CORIN: variants seen among roughly 807,000 people sequenced by gnomAD.
CORIN encodes corin, serine peptidase, also known as atrial natriuretic peptide-converting enzyme.
CORIN carries 117 observed loss-of-function variants against 125.3 expected under a neutral mutation model. The observed-to-expected ratio is 0.93, with a 90% confidence interval of 0.80 to 1.09. CORIN has a LOEUF of 1.09. Among genes scored for constraint, CORIN ranks in the 50% least tolerant of loss-of-function variants. The probability of loss-of-function intolerance (pLI) is 0.00; values close to 1 mark genes in which losing one functional copy is unlikely to be tolerated. For synonymous variants in CORIN, 450 were observed against 466.4 expected (o/e 0.96, Z 0.45); for missense variants, 1,253 against 1,306.7 (o/e 0.96, Z 0.63).
chr4:47,787,590 T>G (rs1402060721), intron 2 of CORIN, among the ~76,000 whole-genome samples: 1 of 151,412 alleles, frequency 6.6e-6, no homozygotes, highest in Non-Finnish European at 1.5e-5. Flanking sequence ...AAAATAAAAA[T>G]GTAATTATAT....
chr4:47,678,367 A>G (rs2109707056), intron 8 of CORIN, among the ~76,000 whole-genome samples: 1 of 152,348 alleles, frequency 6.6e-6, no homozygotes, highest in South Asian at 2.1e-4. Context: ...TGCATTGTAT[A>G]TATAATCTCA....
At chr4:47,721,197 C>T (rs899856899) in intron 5 of CORIN, among the ~76,000 whole-genome samples, 5 of 151,946 alleles carry the variant, frequency 3.3e-5, no homozygotes, top group African/African-American at 9.7e-5. Flanking sequence ...CACACAAGAG[C>T]GCTCTATCTC....
In CORIN at chr4:47,594,829, T is replaced by G. The variant is rs1006195408; in HGVS notation, c.*892A>C. 2 of 152,182 alleles carry G rather than the reference T, an allele frequency of 1.3e-5. No homozygotes were observed. Among genetic ancestry groups the G allele is most frequent in the Admixed American group, 6.5e-5 (1 of 15,268 alleles). 9.4% of individuals were successfully genotyped at this position (152,182 alleles called of 1,614,324 possible). ...TGCCCATAAATATAGATGTAGTTGT[T>G]GCAGTCTCAATCAGCCAACTCATAT... On this transcript the variant is annotated 3_prime_UTR_variant, in exon 22 of 22. Coordinates refer to ENST00000273857, the MANE Select transcript of CORIN (RefSeq NM_006587.4).
intron 5 of CORIN, among the ~76,000 whole-genome samples, chr4:47,737,333 G>A (rs985180107): frequency 1.3e-5 from 2 of 152,130 alleles, no homozygotes; most frequent in East Asian, 3.9e-4. Flanking sequence ...GGCCATATAT[G>A]TCTACCCTTC....
chr4:47,655,816 G>A (rs933676442), intron 12 of CORIN, among the ~76,000 whole-genome samples: 3 of 148,060 alleles, frequency 2.0e-5, no homozygotes, highest in Non-Finnish European at 3.0e-5. Context: ...AACAAGTAAT[G>A]CTATTTAAGT....
At chr4:47,631,819 T>A (rs1311742152) in intron 16 of CORIN, among the ~76,000 whole-genome samples, 1 of 152,146 alleles carries the variant, frequency 6.6e-6, no homozygotes, top group Non-Finnish European at 1.5e-5. Context: ...CCCTCTGCTC[T>A]GGGCCTGAAG....
At chr4:47,799,972 T>A (rs1168925376) in intron 2 of CORIN, among the ~76,000 whole-genome samples, 2 of 152,048 alleles carry the variant, frequency 1.3e-5, no homozygotes, top group East Asian at 3.9e-4. Context: ...TAAAAACATA[T>A]GCTAAGGGAA....
intron 5 of CORIN, among the ~76,000 whole-genome samples, chr4:47,713,015 G>A (rs572328664): frequency 1.4e-4 from 21 of 152,190 alleles, no homozygotes; most frequent in East Asian, 9.6e-4. Flanking sequence ...TAGATAATAC[G>A]CATAGATCAG....
At chr4:47,700,002 A>C (rs1457129216) in intron 5 of CORIN, among the ~76,000 whole-genome samples, 2 of 152,214 alleles carry the variant, frequency 1.3e-5, no homozygotes, top group Non-Finnish European at 2.9e-5. Flanking sequence ...CACATCATGG[A>C]TTAAAGGGGT....
chr4:47,808,276 T>A lies in CORIN; in HGVS notation c.64-1229A>T, dbSNP rs151049148. Reference sequence around the variant, plus strand: ...CTCTTAATAAATACCAAACTTTTTTTAAAAAAATGAATGACCTTTGAGAAA... The same window carrying A: ...CTCTTAATAAATACCAAACTTTTTTAAAAAAAATGAATGACCTTTGAGAAA... On this transcript the variant is annotated intron_variant, in intron 1 of 21. Transcript: ENST00000273857. Among the ~76,000 whole-genome samples, 982 of 152,226 alleles carry A rather than the reference T, an allele frequency of 6.5e-3. 5 individuals are homozygous for A. The highest frequency in any genetic ancestry group is 0.037 in the Middle Eastern group (11 of 294).
intron 5 of CORIN, 145 bp downstream of exon 5, chr4:47,744,257 T>A: frequency 1.4e-6 from 1 of 725,274 alleles, no homozygotes. Context: ...TAATATTCTA[T>A]TCCTTGATCT....
At position 47,704,619 on chromosome 4, in the gene CORIN, C is replaced by T. The variant is rs114436035; in HGVS notation, c.800-11536G>A. Among the ~76,000 whole-genome samples the T allele has an allele frequency of 5.5e-3, 834 of 152,186 alleles. 6 individuals carry two copies. The highest frequency in any genetic ancestry group is 0.019 in the African/African-American group (769 of 41,524). On this transcript the variant is annotated intron_variant, in intron 5 of 21. Transcript: ENST00000273857. ...GTCTACTTTATCCATAAAGAGGGAA[C>T]GCATTGAGCAGATAACGGGAAGTCA...
chr4:47,714,676 T>C (rs1727007506), intron 5 of CORIN, among the ~76,000 whole-genome samples: 2 of 152,236 alleles, frequency 1.3e-5, no homozygotes, highest in South Asian at 2.1e-4. Context: ...AAAGCAGCCA[T>C]AGGCAATATG....
chr4:47,800,578 G>T (rs4235152), intron 2 of CORIN, among the ~76,000 whole-genome samples: 1 of 152,078 alleles, frequency 6.6e-6, no homozygotes, highest in Non-Finnish European at 1.5e-5. Flanking sequence ...ACTGAAGGGC[G>T]CTGGAGAGGG....
chr4:47,736,487 CT>C (rs1432460759), intron 5 of CORIN, among the ~76,000 whole-genome samples: 6 of 152,156 alleles, frequency 3.9e-5, no homozygotes, highest in African/African-American at 1.4e-4. Flanking sequence ...AGTCTACATT[CT>C]TTTTTAAAGT....
chr4:47,648,556 C>T (rs1723596424), intron 13 of CORIN, among the ~76,000 whole-genome samples: 1 of 152,102 alleles, frequency 6.6e-6, no homozygotes, highest in South Asian at 2.1e-4. Context: ...TACCCCCCCA[C>T]CCCCAAATGG....
At chr4:47,689,456 T>C (rs1016549085) in intron 6 of CORIN, among the ~76,000 whole-genome samples, 1 of 152,160 alleles carries the variant, frequency 6.6e-6, no homozygotes, top group Non-Finnish European at 1.5e-5. Context: ...TACACCGTAT[T>C]ACACTCGGTG....
intron 15 of CORIN, chr4:47,642,808 A>G: frequency 7.0e-7 from 1 of 1,435,824 alleles, no homozygotes. Context: ...TAGCAGGTAG[A>G]GGTGACAAAA....
intron 19 of CORIN, among the ~76,000 whole-genome samples, chr4:47,610,012 C>T (rs1721810767): frequency 6.6e-6 from 1 of 152,114 alleles, no homozygotes; most frequent in African/African-American, 2.4e-5. Flanking sequence ...CATCGATGGG[C>T]ATTTGGGTTG....
Sources: gnomAD v4.1 joint callset for allele counts (sites outside exome capture counted in the v4.1 genomes callset) on GRCh38, gnomAD v4.1.1 for gene constraint, MANE v1.5 for transcripts, NCBI Gene and HGNC (gene_info 2026-07-23, HGNC 2026-07-21) for gene names.